Variants in ANO2 observed in about 807,000 individuals in gnomAD.
ANO2 encodes anoctamin-2.
ANO2 carries 101 observed loss-of-function variants against 124.2 expected under a neutral mutation model. The ratio of observed to expected loss-of-function variants is 0.81; its 90% confidence interval spans 0.69 to 0.96. The LOEUF (loss-of-function observed/expected upper bound fraction) is 0.96, where lower values mean the gene tolerates loss of function less well. Among genes scored for constraint, ANO2 ranks in the 40% least tolerant of loss-of-function variants. The probability of loss-of-function intolerance (pLI) is 0.00; values close to 1 mark genes in which losing one functional copy is unlikely to be tolerated. For synonymous variants in ANO2, 486 were observed against 482.5 expected, an observed-to-expected ratio of 1.01 and a Z score of -0.09; for missense variants, 1,293 against 1,274.5, an observed-to-expected ratio of 1.01 and a Z score of -0.22.
intron 14 of ANO2, among the ~76,000 whole-genome samples, chr12:5,654,188 T>C (rs908397838): frequency 1.3e-5 from 2 of 152,168 alleles, no homozygotes; most frequent in African/African-American, 4.8e-5. Context: ...ACTGATCAGA[T>C]CAGTCCTGAA....
intron 10 of ANO2, among the ~76,000 whole-genome samples, chr12:5,751,297 T>C (rs1464863387): frequency 1.3e-5 from 2 of 152,166 alleles, no homozygotes; most frequent in African/African-American, 4.8e-5. Context: ...TTACCAAACA[T>C]GAATAACACA....
At chr12:5,715,110 GA>G (rs368126161) in intron 14 of ANO2, among the ~76,000 whole-genome samples, 142 of 148,618 alleles carry the variant, frequency 9.6e-4, no homozygotes, top group African/African-American at 3.3e-3. Context: ...TTGTAAAGTT[GA>G]AAAAAAAAAT....
At chr12:5,794,547 T>C (rs184634264) in intron 10 of ANO2, among the ~76,000 whole-genome samples, 1 of 152,338 alleles carries the variant, frequency 6.6e-6, no homozygotes, top group East Asian at 1.9e-4. Flanking sequence ...GAAAGCAACA[T>C]TTCTGATTCA....
At chr12:5,729,596 T>A (rs190239669) in intron 14 of ANO2, among the ~76,000 whole-genome samples, 2 of 152,228 alleles carry the variant, frequency 1.3e-5, no homozygotes, top group East Asian at 1.9e-4. Flanking sequence ...AAAAATAGCA[T>A]GGCAGTTCTT....
intron 20 of ANO2, among the ~76,000 whole-genome samples, chr12:5,597,449 A>C (rs1177118139): frequency 2.6e-5 from 4 of 152,228 alleles, no homozygotes. Flanking sequence ...TCACGGCTGC[A>C]TGGTAGTCCA....
chr12:5,610,589 T>TTATAAATATATTTATATTTATA (rs1944467426), intron 19 of ANO2, among the ~76,000 whole-genome samples: 1 of 142,900 alleles, frequency 7.0e-6, no homozygotes, highest in South Asian at 2.1e-4. Context: ...ATATTTATAT[T>TTATAAATATATTTATATTTATA]TATAAATATA....
In ANO2 at chr12:5,842,127, G is replaced by A. The variant is rs1158187630; in HGVS notation, c.634-9524C>T. 2.0e-5 allele frequency among the ~76,000 whole-genome samples: 3 copies of A among 152,176 alleles called. 1 individual carries two copies. The South Asian group carries it at 6.2e-4, about 32-fold the overall frequency. On this transcript the variant is annotated intron_variant, in intron 4 of 24. Transcript: ENST00000682330. ...ACTCCTGGCCTCAAGTGATCCTCCTGCCTTTGCCTCCCAAAGTGCTGGGAT... is the reference window on the plus strand; with the variant it reads ...ACTCCTGGCCTCAAGTGATCCTCCTACCTTTGCCTCCCAAAGTGCTGGGAT...
chr12:5,787,582 C>G lies in ANO2; in HGVS notation c.1055+11925G>C, dbSNP rs187959045. Among the ~76,000 whole-genome samples, 1 of 152,110 alleles carries G rather than the reference C, an allele frequency of 6.6e-6. No homozygotes were observed. The highest frequency in any genetic ancestry group is 1.9e-4 in the East Asian group (1 of 5,196). On this transcript the variant is annotated intron_variant, in intron 10 of 24. Coordinates refer to ENST00000682330, the MANE Select transcript of ANO2 (RefSeq NM_001364791.2). The surrounding 1 kb of genome is among the most constrained non-coding windows in gnomAD (Gnocchi z 4.2). ...ATGAGGATGATAGTATCGATCTCGA[C>G]GGGGTGTTGTGAGTTAGCAAATGCC...
intron 3 of ANO2, among the ~76,000 whole-genome samples, chr12:5,872,008 T>C (rs372020745): frequency 1.3e-5 from 2 of 152,194 alleles, no homozygotes; most frequent in African/African-American, 4.8e-5. Context: ...TACAATCTTC[T>C]AACTTCTTTT....
chr12:5,817,205 C>T (rs1322011940), intron 7 of ANO2, among the ~76,000 whole-genome samples: 1 of 152,178 alleles, frequency 6.6e-6, no homozygotes, highest in Non-Finnish European at 1.5e-5. Flanking sequence ...AACAAGCTAA[C>T]AGCCGCTTAT....
chr12:5,739,901 G>A, intron 12 of ANO2: 1 of 456,168 alleles, frequency 2.2e-6, no homozygotes, highest in South Asian at 1.5e-5. Context: ...TCTCCTAACA[G>A]TTCTACCTGA....
Position 5,566,731 on chromosome 12 carries a change from A to T in ANO2, c.2622-1068T>A, listed in dbSNP as rs192882222. On this transcript the variant is annotated intron_variant, in intron 23 of 24. Transcript: ENST00000682330. ...CAGGCAGGCATTGTTACCCCAGCATAACACAGGAGGAAACTGAGGCTTGGA... is the reference window on the plus strand; with the variant it reads ...CAGGCAGGCATTGTTACCCCAGCATTACACAGGAGGAAACTGAGGCTTGGA... Among the ~76,000 whole-genome samples the T allele has an allele frequency of 4.7e-3, 723 of 152,310 alleles. 6 individuals carry two copies. Among genetic ancestry groups the T allele is most frequent in the South Asian group, 5.4e-3 (26 of 4,820 alleles).
intron 7 of ANO2, among the ~76,000 whole-genome samples, chr12:5,814,979 G>A (rs1358256504): frequency 2.0e-5 from 3 of 152,198 alleles, no homozygotes; most frequent in Non-Finnish European, 4.4e-5. Context: ...ATGAGATAAT[G>A]AGCGTTAAGG....
chr12:5,875,009 C>T (rs1343553017), intron 3 of ANO2, among the ~76,000 whole-genome samples: 1 of 152,170 alleles, frequency 6.6e-6, no homozygotes, highest in Non-Finnish European at 1.5e-5. Flanking sequence ...GGCTTGCAGG[C>T]CACAGTTTGC....
chr12:5,671,423 A>C (rs1346010068), intron 14 of ANO2, among the ~76,000 whole-genome samples: 1 of 151,878 alleles, frequency 6.6e-6, no homozygotes, highest in Non-Finnish European at 1.5e-5. Flanking sequence ...TTTGTCCTCC[A>C]AAGGAATTGC....
chr12:5,708,375 A>C (rs1421657425), intron 14 of ANO2, among the ~76,000 whole-genome samples: 1 of 152,136 alleles, frequency 6.6e-6, no homozygotes, highest in Non-Finnish European at 1.5e-5. Flanking sequence ...CCTTAAGAAA[A>C]AGGTCAAATT....
intron 3 of ANO2, among the ~76,000 whole-genome samples, chr12:5,916,491 T>TAAAAAAAAAAAAAAAAAAAAAAAAAAAAA (rs769233593): frequency 1.0e-5 from 1 of 98,084 alleles, no homozygotes; most frequent in Non-Finnish European, 2.0e-5. Context: ...TCGCAGCAGG[T>TAAAAAAAAAAAAAAAAAAAAAAAAAAAAA]TAAAAAAAAA....
chr12:5,678,640 T>C (rs1335007392), intron 14 of ANO2, among the ~76,000 whole-genome samples: 1 of 152,190 alleles, frequency 6.6e-6, no homozygotes, highest in Non-Finnish European at 1.5e-5. Context: ...GGGCTTGCAA[T>C]TGGTGAAGTA....
intron 10 of ANO2, among the ~76,000 whole-genome samples, chr12:5,782,450 A>T (rs1414130882): frequency 6.6e-6 from 1 of 152,158 alleles, no homozygotes; most frequent in African/African-American, 2.4e-5. Context: ...ATCATTATGG[A>T]TTTAAGTTTC....
Sources: allele counts gnomAD v4.1 joint callset (sites outside exome capture counted in the v4.1 genomes callset), GRCh38; gene constraint gnomAD v4.1.1; non-coding constraint Gnocchi (gnomAD v3.1); transcripts MANE v1.5; gene names NCBI Gene and HGNC (gene_info 2026-07-23, HGNC 2026-07-21).